Variants in PCNT observed in about 807,000 individuals in gnomAD.
PCNT encodes the protein kendrin.
A neutral mutation model predicts 380.4 loss-of-function variants in PCNT; 319 were observed. The ratio of observed to expected loss-of-function variants is 0.84; its 90% CI spans 0.77 to 0.92. PCNT has a LOEUF of 0.92. Ranked by LOEUF, PCNT falls within the 40% of genes least tolerant of loss-of-function variation. The pLI is 0.00. For synonymous variants in PCNT, 1,845 were observed against 1,735.2 expected (o/e 1.06, Z -1.57); for missense variants, 4,400 against 4,255.3 (o/e 1.03, Z -0.95).
intron 42 of PCNT, 114 bp downstream of exon 42, chr21:46,440,316 T>A: frequency 9.1e-7 from 1 of 1,099,612 alleles, no homozygotes; most frequent in South Asian, 1.2e-5. Context: ...GGTGTAGCAG[T>A]CACATCACTA....
intron 29 of PCNT, among the ~76,000 whole-genome samples, chr21:46,414,752 CG>C (rs2086949767): frequency 1.1e-5 from 1 of 91,122 alleles, no homozygotes; most frequent in Admixed American, 9.8e-5. Context: ...CTCCTGGACA[CG>C]CAGCCGCCCA....
At chr21:46,398,404 G>A in intron 24 of PCNT, 149 bp downstream of exon 24, 1 of 811,164 alleles carries the variant, frequency 1.2e-6, no homozygotes, top group East Asian at 2.7e-5. Context: ...AGCTGTAGTA[G>A]GTTCGTTTAT....
Position 46,349,808 on chromosome 21 carries a change from A to G in PCNT, c.1332A>G (p.Glu444=). Residue 444 remains glutamate, a synonymous_variant, in exon 8 of 47, where the codon GAA becomes GAG. Transcript: ENST00000359568. Reference sequence around the variant, plus strand: ...TCAAGTTCAAAGAGAGCGAGAAAGAAAAACAGCTGGAGGTGGGCAGCAGCT... The same window carrying G: ...TCAAGTTCAAAGAGAGCGAGAAAGAGAAACAGCTGGAGGTGGGCAGCAGCT... ...LEFKFKESEK[E]KQLELENLQA... is the part of the protein sequence containing the mutation. 6.2e-7 allele frequency: 1 copy of G among 1,614,230 alleles called. No individual in the cohort carries two copies. The highest frequency in any genetic ancestry group is 1.1e-5 in the South Asian group (1 of 91,088).
intron 15 of PCNT, among the ~76,000 whole-genome samples, chr21:46,373,729 C>CTTTTTT (rs57604484): frequency 1.6e-5 from 1 of 63,100 alleles, no homozygotes; most frequent in Non-Finnish European, 2.8e-5. Context: ...CCAGCCTTAG[C>CTTTTTT]TTTTTTTTTT....
intron 21 of PCNT, among the ~76,000 whole-genome samples, chr21:46,393,707 C>G (rs1601944203): frequency 1.3e-5 from 2 of 152,224 alleles, no homozygotes; most frequent in African/African-American, 2.4e-5. Flanking sequence ...TGTCAGGTGC[C>G]TGTGTCGTGC....
At chr21:46,341,447 C>T (rs2083908181) in intron 3 of PCNT, among the ~76,000 whole-genome samples, 1 of 151,838 alleles carries the variant, frequency 6.6e-6, no homozygotes, top group Non-Finnish European at 1.5e-5. Flanking sequence ...ATCAGTCTTC[C>T]AAAAATATCC....
intron 45 of PCNT, 27 bp from the exon 46 acceptor site, chr21:46,444,667 T>C (rs1569317346): frequency 3.6e-5 from 57 of 1,588,428 alleles, no homozygotes; most frequent in Non-Finnish European, 4.6e-5. Flanking sequence ...TTTTTTTTCT[T>C]CTCTTGGTGT....
In PCNT at chr21:46,349,941, T is replaced by C; in HGVS notation, c.1344+121T>C. ...ACTTAAGTTCTAAATTTAAAGAGACTGGCTGGGAACAGTGGTTCACGCCTG... is the reference window on the plus strand; with the variant it reads ...ACTTAAGTTCTAAATTTAAAGAGACCGGCTGGGAACAGTGGTTCACGCCTG... On this transcript the variant is annotated intron_variant, in intron 8 of 46. Transcript: ENST00000359568. 4 of 999,318 alleles carry C rather than the reference T, an allele frequency of 4.0e-6. No individual in the cohort carries two copies. In the South Asian group the frequency reaches 5.4e-5, roughly 13 times the overall value. 61.9% of individuals were successfully genotyped at this position (999,318 alleles called of 1,614,324 possible). A position where few individuals can be genotyped will look rare whatever the true frequency, so the allele number is the denominator to read the frequency against.
intron 27 of PCNT, 147 bp downstream of exon 27, chr21:46,402,630 C>A: frequency 1.3e-6 from 1 of 789,788 alleles, no homozygotes; most frequent in East Asian, 2.7e-5. Flanking sequence ...AGAGAGCGCC[C>A]GATTCTGCCT....
At chr21:46,418,919 T>A (rs1199609981) in intron 31 of PCNT, among the ~76,000 whole-genome samples, 1 of 152,216 alleles carries the variant, frequency 6.6e-6, no homozygotes, top group African/African-American at 2.4e-5. Context: ...TGATGGTGCC[T>A]GCCAGGTTTC....
Position 46,388,745 on chromosome 21 carries a change from G to A in PCNT, c.3468G>A (p.Gly1156=). Residue 1156 remains glycine (G), a synonymous_variant, in exon 18 of 47, where the codon GGG becomes GGA. Coordinates refer to ENST00000359568, the MANE Select transcript of PCNT (RefSeq NM_006031.6). This position sits in a 1 kb window ranked among gnomAD's most constrained non-coding sequence, Gnocchi z 4.2. The part of the protein sequence containing the change: ...ADVNLSHSER[G]ALQDALRRLL... ...TGATGGGTGTCTCCTGTCTCAGAGGGGCCCTCCAGGACGCCCTGCGCAGGC... is the reference window on the plus strand; with the variant it reads ...TGATGGGTGTCTCCTGTCTCAGAGGAGCCCTCCAGGACGCCCTGCGCAGGC... 1 of 1,613,808 alleles carries A rather than the reference G, an allele frequency of 6.2e-7. No individual in the cohort carries two copies. The highest frequency in any genetic ancestry group is 1.1e-5 in the South Asian group (1 of 91,082).
chr21:46,426,074 T>TTTTTC (rs1602068568), intron 33 of PCNT, 103 bp downstream of exon 33: 3 of 846,170 alleles, frequency 3.5e-6, no homozygotes, highest in East Asian at 6.5e-5. Context: ...TCTTTCTTTT[T>TTTTTC]TTTTTTTTTT....
At chr21:46,347,088 GC>G in intron 5 of PCNT, 90 bp downstream of exon 5, 2 of 1,456,698 alleles carry the variant, frequency 1.4e-6, no homozygotes, top group South Asian at 2.6e-5. Context: ...GAGCTGGGGC[GC>G]CCTAGCACCG....
At chr21:46,329,975 T>TA (rs1270866999) in intron 2 of PCNT, among the ~76,000 whole-genome samples, 3 of 152,174 alleles carry the variant, frequency 2.0e-5, no homozygotes, top group Non-Finnish European at 4.4e-5. Flanking sequence ...AGCAGAGACA[T>TA]ACCTCCTCTT....
chr21:46,325,174 C>T lies in PCNT; in HGVS notation c.54+892C>T, dbSNP rs565792246. ...CAGGAGAAAGGGAGTCCCGAAAGCG[C>T]GAGGCGGAACCGCGGGAGCAGGCCG... On this transcript the variant is annotated intron_variant, in intron 1 of 46. Coordinates refer to ENST00000359568, the MANE Select transcript of PCNT (RefSeq NM_006031.6). 7 of 985,756 alleles carry T rather than the reference C, an allele frequency of 7.1e-6. No homozygotes were observed. In the South Asian group the frequency reaches 2.8e-4, roughly 40 times the overall value. The allele number at this position is 985,756 out of a possible 1,614,324, so 61.1% of individuals were successfully genotyped here.
At chr21:46,438,787 G>C (rs886617688) in intron 41 of PCNT, among the ~76,000 whole-genome samples, 22 of 149,580 alleles carry the variant, frequency 1.5e-4, no homozygotes, top group African/African-American at 5.4e-4. Flanking sequence ...ATTCTCCTGT[G>C]TCAGCCTCCC....
At chr21:46,405,123 C>T (rs75091272) in intron 27 of PCNT, among the ~76,000 whole-genome samples, 1 of 152,178 alleles carries the variant, frequency 6.6e-6, no homozygotes, top group African/African-American at 2.4e-5. Flanking sequence ...GTACCAGCTA[C>T]TCTGAAGGAT....
chr21:46,398,096 C>G lies in PCNT; in HGVS notation c.4529C>G (p.Ala1510Gly), dbSNP rs989631320. The change falls in exon 23 of 47, where the codon GCC (alanine) becomes GGC (glycine). Residue 1510 changes from alanine (A) to glycine (G), a missense_variant. Transcript: ENST00000359568. ...QRLEGQLRQA[A>G]KPQPWGPRDS... ...CTGGAGGGGCAGCTCCGCCAGGCGG[C>G]CAAGCCGCAGCCCTGGGGCCCTCGC... 6.9e-6 allele frequency: 11 copies of G among 1,599,982 alleles called. No individual in the cohort carries two copies. Among genetic ancestry groups the G allele is most frequent in the Non-Finnish European group, 9.4e-6 (11 of 1,174,520 alleles).
chr21:46,375,779 C>T (rs776558010), intron 15 of PCNT, among the ~76,000 whole-genome samples: 1 of 152,270 alleles, frequency 6.6e-6, no homozygotes, highest in Non-Finnish European at 1.5e-5. Flanking sequence ...GCTGTCCCCC[C>T]GCGGGGAGCC....
Sources: allele counts gnomAD v4.1 joint callset (sites outside exome capture counted in the v4.1 genomes callset), GRCh38; gene constraint gnomAD v4.1.1; non-coding constraint Gnocchi (gnomAD v3.1); transcripts MANE v1.5; gene names NCBI Gene and HGNC (gene_info 2026-07-23, HGNC 2026-07-21).